Variants in DNAJC6 observed in about 807,000 individuals in gnomAD.
DNAJC6 encodes DnaJ heat shock protein family (Hsp40) member C6.
A neutral mutation model predicts 110.0 loss-of-function variants in DNAJC6; 34 were observed. The observed-to-expected ratio is 0.31, with a 90% CI of 0.24 to 0.41. The LOEUF is 0.41. Ranked by LOEUF, DNAJC6 falls within the 10% of genes least tolerant of loss-of-function variation. DNAJC6 has a pLI of 1.00. For synonymous variants in DNAJC6, 406 were observed against 437.2 expected, an observed-to-expected ratio of 0.93 and a Z score of 0.89; for missense variants, 1,031 against 1,207.8, an observed-to-expected ratio of 0.85 and a Z score of 2.17.
intron 1 of DNAJC6, among the ~76,000 whole-genome samples, chr1:65,285,831 C>T (rs1653998734): frequency 6.6e-6 from 1 of 152,070 alleles, no homozygotes; most frequent in Non-Finnish European, 1.5e-5. Context: ...TACCACCACA[C>T]CGGCTAATTT....
chr1:65,388,004 T>C (rs1645888823), intron 8 of DNAJC6, among the ~76,000 whole-genome samples: 2 of 152,154 alleles, frequency 1.3e-5, no homozygotes, highest in African/African-American at 2.4e-5. Flanking sequence ...AGAGAGAATA[T>C]GAACTTTTAA....
At chr1:65,375,912 C>T (rs760989974) in intron 4 of DNAJC6, among the ~76,000 whole-genome samples, 24 of 152,184 alleles carry the variant, frequency 1.6e-4, no homozygotes, top group Non-Finnish European at 2.6e-4. Flanking sequence ...AGAATGAGTT[C>T]GAAAGTATTT....
At chr1:65,320,810 G>A (rs1306339159) in intron 1 of DNAJC6, among the ~76,000 whole-genome samples, 1 of 152,126 alleles carries the variant, frequency 6.6e-6, no homozygotes, top group Non-Finnish European at 1.5e-5. Flanking sequence ...GTAGTAGGAT[G>A]GGGAGACCTA....
intron 1 of DNAJC6, among the ~76,000 whole-genome samples, chr1:65,348,463 A>G (rs538303914): frequency 6.6e-6 from 1 of 152,284 alleles, no homozygotes; most frequent in Non-Finnish European, 1.5e-5. Flanking sequence ...TCATATACTT[A>G]GAAGCTGTGC....
At chr1:65,276,462 C>T (rs934793789) in intron 1 of DNAJC6, among the ~76,000 whole-genome samples, 3 of 152,178 alleles carry the variant, frequency 2.0e-5, no homozygotes, top group African/African-American at 7.2e-5. Context: ...ACAGAGATCA[C>T]TTCAATCAGG....
intron 16 of DNAJC6, among the ~76,000 whole-genome samples, chr1:65,407,119 T>C (rs1198057185): frequency 6.6e-6 from 1 of 152,186 alleles, no homozygotes; most frequent in Non-Finnish European, 1.5e-5. Flanking sequence ...TGTGCACTAT[T>C]ATGAGTAGCG....
At chr1:65,369,475 G>A (rs1428836800) in intron 4 of DNAJC6, among the ~76,000 whole-genome samples, 2 of 152,132 alleles carry the variant, frequency 1.3e-5, no homozygotes, top group East Asian at 1.9e-4. Context: ...GGAGTGCTAC[G>A]TCTGAAATTA....
intron 1 of DNAJC6, among the ~76,000 whole-genome samples, chr1:65,274,014 C>T (rs1653587666): frequency 6.6e-6 from 1 of 152,136 alleles, no homozygotes; most frequent in Non-Finnish European, 1.5e-5. Flanking sequence ...TCTGTATCCT[C>T]ACTGATTTTT....
At chr1:65,349,766 T>C (rs1315518910) in intron 1 of DNAJC6, among the ~76,000 whole-genome samples, 1 of 152,202 alleles carries the variant, frequency 6.6e-6, no homozygotes, top group Admixed American at 6.5e-5. Flanking sequence ...AGTCTTATTC[T>C]GATGTGTCTA....
At chr1:65,351,132 C>G (rs1645486971) in intron 1 of DNAJC6, among the ~76,000 whole-genome samples, 1 of 152,138 alleles carries the variant, frequency 6.6e-6, no homozygotes, top group Non-Finnish European at 1.5e-5. Flanking sequence ...CTCAGGGGAC[C>G]ACTATTCTAC....
chr1:65,353,399 T>C (rs1381543186), intron 1 of DNAJC6, among the ~76,000 whole-genome samples: 2 of 151,682 alleles, frequency 1.3e-5, no homozygotes, highest in South Asian at 2.1e-4. Context: ...CATAAGTACT[T>C]ACTTTGTCTG....
At chr1:65,372,146 G>GGGGTGTGT (rs918112884) in intron 4 of DNAJC6, among the ~76,000 whole-genome samples, 10 of 140,998 alleles carry the variant, frequency 7.1e-5, no homozygotes, top group African/African-American at 2.6e-4. Context: ...TGACATTTGG[G>GGGGTGTGT]GTGTGTGTGT....
chr1:65,372,517 A>G (rs959352182), intron 4 of DNAJC6, among the ~76,000 whole-genome samples: 1 of 152,180 alleles, frequency 6.6e-6, no homozygotes, highest in African/African-American at 2.4e-5. Flanking sequence ...GGAGACAGGT[A>G]TAAGCAGTTT....
intron 15 of DNAJC6, among the ~76,000 whole-genome samples, chr1:65,402,447 G>C (rs1646039199): frequency 6.6e-6 from 1 of 152,216 alleles, no homozygotes; most frequent in Admixed American, 6.5e-5. Flanking sequence ...GTGAGATTGG[G>C]AAGCACTGGT....
intron 1 of DNAJC6, among the ~76,000 whole-genome samples, chr1:65,352,981 A>G (rs1645506330): frequency 6.6e-6 from 1 of 152,214 alleles, no homozygotes; most frequent in Non-Finnish European, 1.5e-5. Context: ...AATGTCGAAC[A>G]GAAAATTTTT....
At position 65,411,413 on chromosome 1, in the gene DNAJC6, T is replaced by C; in HGVS notation, c.2798T>C (p.Val933Ala). 2.5e-6 allele frequency: 4 copies of C among 1,613,810 alleles called. No homozygotes were observed. Among genetic ancestry groups the C allele is most frequent in the Non-Finnish European group, 2.5e-6 (3 of 1,179,772 alleles). Reference protein sequence around the residue: ...KKVYRKAVLVVHPDKATGQPY... With the variant: ...KKVYRKAVLVAHPDKATGQPY... ...GTGTACAGGAAGGCTGTCCTGGTGG[T>C]GCACCCAGATAAAGTGGGTATAACC... The change falls in exon 18 of 19, where the codon GTG becomes GCG. Residue 933 changes from valine to alanine, a missense_variant. Physicochemically the swap from Val to Ala is moderately conservative, Grantham distance 64 (BLOSUM62 0). Transcript: ENST00000371069.
chr1:65,273,142 A>G (rs983503399), intron 1 of DNAJC6, among the ~76,000 whole-genome samples: 6 of 152,068 alleles, frequency 3.9e-5, no homozygotes, highest in Admixed American at 2.6e-4. Context: ...TGTATTATAC[A>G]TTTATTTTTC....
chr1:65,347,580 T>TA (rs1645448912), intron 1 of DNAJC6, among the ~76,000 whole-genome samples: 1 of 152,256 alleles, frequency 6.6e-6, no homozygotes, highest in South Asian at 2.1e-4. Flanking sequence ...TTTTAATGTA[T>TA]AAAATATAAC....
At chr1:65,325,708 A>G (rs981418450) in intron 1 of DNAJC6, among the ~76,000 whole-genome samples, 7 of 152,252 alleles carry the variant, frequency 4.6e-5, no homozygotes, top group Admixed American at 4.6e-4. Context: ...GCATAGCTTA[A>G]TATAGCCATA....
Sources: allele counts gnomAD v4.1 joint callset (sites outside exome capture counted in the v4.1 genomes callset), GRCh38; gene constraint gnomAD v4.1.1; transcripts MANE v1.5; gene names NCBI Gene and HGNC (gene_info 2026-07-23, HGNC 2026-07-21).